The following CEP83 variants were observed in gnomAD, a reference collection of about 807,000 sequenced individuals.
The protein encoded by CEP83 is centrosomal protein 83, also known as centrosomal protein of 83 kDa.
A neutral mutation model predicts 101.9 loss-of-function variants in CEP83; 70 were observed. The ratio of observed to expected loss-of-function variants is 0.69; its 90% confidence interval spans 0.57 to 0.84. CEP83 has a LOEUF of 0.84. Ranked by LOEUF, CEP83 falls within the 40% of genes least tolerant of loss-of-function variation. CEP83 has a pLI of 0.00. For synonymous variants in CEP83, 264 were observed against 267.9 expected (o/e 0.99, Z 0.14); for missense variants, 715 against 787.2 (o/e 0.91, Z 1.10).
chr12:94,344,298 C>T lies in CEP83; in HGVS notation c.1344-8634G>A, dbSNP rs555782656. ...AACACTATATAATTTATGGGATACA[C>T]GTAAAGCAGTGATGAGAAGAAAATT... On this transcript the variant is annotated intron_variant, in intron 11 of 16. Transcript: ENST00000397809. 1.5e-3 allele frequency among the ~76,000 whole-genome samples: 234 copies of T among 152,190 alleles called. 2 individuals carry two copies. The highest frequency in any genetic ancestry group is 5.5e-3 in the African/African-American group (228 of 41,518).
the CEP83 span, chr12:94,297,451 A>ATGGC: frequency 6.9e-7 from 1 of 1,456,570 alleles, no homozygotes; most frequent in Non-Finnish European, 9.6e-7. Flanking sequence ...GGAGCACTTT[A>ATGGC]TGGCTACCTA....
At chr12:94,291,412 T>G in the CEP83 span, among the ~76,000 whole-genome samples, 1 of 152,136 alleles carries the variant, frequency 6.6e-6, no homozygotes, top group Non-Finnish European at 1.5e-5. Flanking sequence ...TTGTTTGTTT[T>G]GAGGAGAGAT....
chr12:94,404,427 G>C (rs1332575539), intron 4 of CEP83, among the ~76,000 whole-genome samples: 2 of 152,164 alleles, frequency 1.3e-5, no homozygotes, highest in African/African-American at 4.8e-5. Context: ...GTCAGAGACT[G>C]TATGGGAGAA....
intron 11 of CEP83, among the ~76,000 whole-genome samples, chr12:94,337,369 A>C (rs1176032754): frequency 6.6e-6 from 1 of 152,216 alleles, no homozygotes; most frequent in Non-Finnish European, 1.5e-5. Context: ...ATTTTGTTGA[A>C]GCAGTACTGG....
At position 94,405,151 on chromosome 12, in the gene CEP83, T is replaced by C. The variant is rs1184941048; in HGVS notation, c.325-1889A>G. Among the ~76,000 whole-genome samples the C allele has an allele frequency of 2.0e-5, 3 of 152,216 alleles. No individual in the cohort carries two copies. The East Asian group carries it at 5.8e-4, about 29-fold the overall frequency. On this transcript the variant is annotated intron_variant, in intron 4 of 16. Transcript: ENST00000397809. The stretch of plus-strand genomic sequence containing the variant: ...AGTCCAAACTAAGATGAGGTAGCAA[T>C]TAAAAGGAAGAGATTAATAGGTAAA...
At chr12:94,441,063 G>A (rs375027848) in intron 1 of CEP83, among the ~76,000 whole-genome samples, 9 of 152,122 alleles carry the variant, frequency 5.9e-5, no homozygotes, top group African/African-American at 2.2e-4. Context: ...TCTAAGACCT[G>A]AAACCATAAA....
In CEP83 at chr12:94,335,597, G is replaced by A. The variant is rs139046818; in HGVS notation, c.1411C>T (p.Leu471=). The part of the protein sequence containing the change: ...AEKEKNENSD[L]KQQISSLQIQ... ...CTTCGCTAAAATCATACCTGTTTTA[G>A]GTCAGAATTTTCATTTTTTTCCTTC... is the stretch of plus-strand genomic sequence containing the variant. The change falls in exon 12 of 17, where the codon CTA becomes TTA. Residue 471 remains leucine, a synonymous_variant. Coordinates refer to ENST00000397809, the MANE Select transcript of CEP83 (RefSeq NM_016122.3). 0.018 allele frequency: 27,430 copies of A among 1,562,332 alleles called. 304 individuals carry two copies. Among genetic ancestry groups the A allele is most frequent in the Non-Finnish European group, 0.022 (24,864 of 1,144,654 alleles).
At chr12:94,298,488 A>C in the CEP83 span, 3 of 693,770 alleles carry the variant, frequency 4.3e-6, no homozygotes, top group Non-Finnish European at 7.0e-6. Context: ...GCCACATTTG[A>C]CAATTTTACA....
chr12:94,357,998 T>G (rs754309001), intron 11 of CEP83, among the ~76,000 whole-genome samples: 1 of 152,128 alleles, frequency 6.6e-6, no homozygotes, highest in Non-Finnish European at 1.5e-5. Flanking sequence ...ACCTGTGAAA[T>G]AACTATTGAA....
chr12:94,372,896 A>G (rs189901446), intron 8 of CEP83, among the ~76,000 whole-genome samples: 75 of 152,310 alleles, frequency 4.9e-4, no homozygotes, highest in Admixed American at 1.2e-3. Context: ...TTATCCTAAC[A>G]TCACTGATGC....
At chr12:94,281,954 CCT>C in the CEP83 span, 2 of 272,154 alleles carry the variant, frequency 7.3e-6, no homozygotes, top group South Asian at 7.4e-5. Flanking sequence ...TCATATCATG[CCT>C]CTCTTTGTGA....
chr12:94,421,462 A>G (rs531548492), intron 2 of CEP83, among the ~76,000 whole-genome samples: 1 of 152,118 alleles, frequency 6.6e-6, no homozygotes, highest in Non-Finnish European at 1.5e-5. Context: ...TTTTCTTCCA[A>G]CAAATCCTGT....
At chr12:94,391,590 C>G (rs140051537) in intron 6 of CEP83, among the ~76,000 whole-genome samples, 15 of 152,028 alleles carry the variant, frequency 9.9e-5, no homozygotes, top group African/African-American at 3.4e-4. Flanking sequence ...AAATAACCAG[C>G]GAACATCGTA....
At chr12:94,445,274 C>CAT (rs896514958) in intron 1 of CEP83, among the ~76,000 whole-genome samples, 6 of 150,190 alleles carry the variant, frequency 4.0e-5, no homozygotes, top group African/African-American at 1.5e-4. Context: ...CTTTTCCATA[C>CAT]ACACACACAC....
In CEP83 at chr12:94,378,798, G is replaced by A; in HGVS notation, c.794C>T (p.Ser265Phe). 1 of 1,613,906 alleles carries A rather than the reference G, an allele frequency of 6.2e-7. No homozygotes were observed. ...AAGTAATTAGAATCTTACCTCCAGG[G>A]ATCTGACTGTAGCCTGCATCTCAGC... The part of the protein sequence containing the change: ...QLAEMQATVR[S>F]LEAEKQSANL... Residue 265 changes from serine (S) to phenylalanine (F), a missense_variant, in exon 7 of 17, where the codon TCC becomes TTC. Ser to Phe is a radical substitution (Grantham distance 155). Coordinates refer to ENST00000397809, the MANE Select transcript of CEP83 (RefSeq NM_016122.3).
At chr12:94,327,491 C>T (rs957587665) in intron 14 of CEP83, among the ~76,000 whole-genome samples, 4 of 152,164 alleles carry the variant, frequency 2.6e-5, no homozygotes, top group Admixed American at 6.5e-5. Context: ...CATCTCTGTA[C>T]TTCACATTCT....
At chr12:94,438,743 A>G (rs2066183019) in intron 1 of CEP83, among the ~76,000 whole-genome samples, 1 of 152,228 alleles carries the variant, frequency 6.6e-6, no homozygotes, top group South Asian at 2.1e-4. Context: ...TATTCTTTTC[A>G]TCAACACATG....
intron 5 of CEP83, chr12:94,402,333 T>A (rs1487001676): frequency 6.6e-6 from 1 of 152,118 alleles, no homozygotes; most frequent in African/African-American, 2.4e-5. Context: ...GCAACTTCCA[T>A]TCTAGAGGTG....
At chr12:94,306,568 A>G (rs772144618), downstream of CEP83, 9 of 152,034 alleles carry the variant, frequency 5.9e-5, no homozygotes, top group Admixed American at 3.3e-4. Context: ...ATAATTGGCA[A>G]CTCTTGAGCT....
Sources: gnomAD v4.1 joint callset for allele counts (sites outside exome capture counted in the v4.1 genomes callset) on GRCh38, gnomAD v4.1.1 for gene constraint, MANE v1.5 for transcripts, NCBI Gene and HGNC (gene_info 2026-07-23, HGNC 2026-07-21) for gene names.